EEFSEC: variants seen among roughly 807,000 people sequenced by gnomAD.
EEFSEC encodes the protein eukaryotic elongation factor, selenocysteine-tRNA specific, also known as selenocysteine-specific elongation factor.
EEFSEC carries 43 observed loss-of-function variants against 42.1 expected under a neutral mutation model. That is an observed-to-expected ratio of 1.02 (90% CI 0.80 to 1.32). The LOEUF (loss-of-function observed/expected upper bound fraction) is 1.32. EEFSEC is among the 40% of genes most tolerant of loss of function. The probability of loss-of-function intolerance (pLI) is 0.00; values close to 1 mark genes in which losing one functional copy is unlikely to be tolerated. For missense variants in EEFSEC, 745 were observed against 803.6 expected, an observed-to-expected ratio of 0.93 and a Z score of 0.88; for synonymous variants, 354 against 339.1, an observed-to-expected ratio of 1.04 and a Z score of -0.48.
chr3:128,365,937 G>A lies in EEFSEC; in HGVS notation c.1600+7564G>A, dbSNP rs182938454. Reference sequence around the variant, plus strand: ...CCGTTGGATGGCCAATGTCTCTCCCGGGACCAGTACAGGGCAGAGCAGCAA... The same window carrying A: ...CCGTTGGATGGCCAATGTCTCTCCCAGGACCAGTACAGGGCAGAGCAGCAA... On this transcript the variant is annotated intron_variant, in intron 6 of 6. Transcript: ENST00000254730. Among the ~76,000 whole-genome samples the A allele has an allele frequency of 1.8e-4, 28 of 152,288 alleles. No individual in the cohort carries two copies. In the East Asian group the frequency reaches 4.8e-3, roughly 26 times the overall value.
At chr3:128,402,745 G>T (rs1396342160) in intron 6 of EEFSEC, among the ~76,000 whole-genome samples, 1 of 152,182 alleles carries the variant, frequency 6.6e-6, no homozygotes, top group Admixed American at 6.5e-5. Context: ...TCCCTCCCAG[G>T]TTGTCACCAG....
At chr3:128,189,412 G>A (rs1193019567) in intron 1 of EEFSEC, among the ~76,000 whole-genome samples, 1 of 152,192 alleles carries the variant, frequency 6.6e-6, no homozygotes, top group Non-Finnish European at 1.5e-5. Flanking sequence ...TGTTTGTGGT[G>A]ATGCTGGTGT....
chr3:128,227,316 C>T (rs1475487347), intron 1 of EEFSEC, among the ~76,000 whole-genome samples: 1 of 152,156 alleles, frequency 6.6e-6, no homozygotes, highest in Non-Finnish European at 1.5e-5. Flanking sequence ...CCCCTACCCC[C>T]CCACTCCGTT....
chr3:128,284,007 T>C (rs6765233), intron 4 of EEFSEC, among the ~76,000 whole-genome samples: 130,794 of 152,220 alleles, frequency 0.86, 56,405 homozygotes, highest in East Asian at 0.99. Context: ...AGAGCACGGG[T>C]GCTGCCATGT....
At chr3:128,368,609 C>G (rs1157773890) in intron 6 of EEFSEC, among the ~76,000 whole-genome samples, 1 of 152,228 alleles carries the variant, frequency 6.6e-6, no homozygotes, top group African/African-American at 2.4e-5. Flanking sequence ...CCTTGCTGGT[C>G]AGGGCCACTT....
chr3:128,175,018 A>C (rs2065334146), intron 1 of EEFSEC, among the ~76,000 whole-genome samples: 1 of 152,312 alleles, frequency 6.6e-6, no homozygotes, highest in South Asian at 2.1e-4. Flanking sequence ...AATAGGATGC[A>C]GGATAAAGCT....
At chr3:128,397,781 C>T (rs2067999192) in intron 6 of EEFSEC, among the ~76,000 whole-genome samples, 1 of 152,280 alleles carries the variant, frequency 6.6e-6, no homozygotes, top group Non-Finnish European at 1.5e-5. Flanking sequence ...CGGGCATCCA[C>T]CCAGCTGCTC....
rs1576713150 is a variant in EEFSEC, at chr3:128,407,999, G to A, written c.1601-70G>A. On this transcript the variant is annotated intron_variant, in intron 6 of 6. Coordinates refer to ENST00000254730, the MANE Select transcript of EEFSEC (RefSeq NM_021937.5). The stretch of plus-strand genomic sequence containing the variant: ...GAAGAGGGGTGAGTCTAGGCAGCAG[G>A]TGCGCGGGCAGGGAGCCCACGGGTG... 2.8e-6 allele frequency: 4 copies of A among 1,415,210 alleles called. No homozygotes were observed. In the East Asian group the frequency reaches 9.8e-5, roughly 35 times the overall value. 87.7% of individuals were successfully genotyped at this position (1,415,210 alleles called of 1,614,324 possible).
At chr3:128,253,523 G>C (rs566000628) in intron 2 of EEFSEC, among the ~76,000 whole-genome samples, 1 of 152,262 alleles carries the variant, frequency 6.6e-6, no homozygotes, top group African/African-American at 2.4e-5. Flanking sequence ...TTGGTGCCTG[G>C]TACAGAGCAG....
intron 1 of EEFSEC, among the ~76,000 whole-genome samples, chr3:128,242,595 C>T (rs754739791): frequency 1.1e-4 from 16 of 151,904 alleles, no homozygotes; most frequent in Non-Finnish European, 1.9e-4. Flanking sequence ...ATATTTTATT[C>T]CTTCAGTCCC....
At chr3:128,172,836 G>A (rs766276787) in intron 1 of EEFSEC, among the ~76,000 whole-genome samples, 7 of 152,182 alleles carry the variant, frequency 4.6e-5, no homozygotes, top group South Asian at 2.1e-4. Context: ...CCATGCTGCC[G>A]CCTCGATCCT....
chr3:128,415,087 G>T, the EEFSEC span, among the ~76,000 whole-genome samples: 8 of 152,268 alleles, frequency 5.3e-5, no homozygotes, highest in East Asian at 1.2e-3. Flanking sequence ...CTGCAGAATT[G>T]CTGAGTCCAA....
chr3:128,235,260 G>A (rs1212305677), intron 1 of EEFSEC, among the ~76,000 whole-genome samples: 2 of 151,362 alleles, frequency 1.3e-5, no homozygotes, highest in Admixed American at 1.3e-4. Context: ...GTAGAGATGG[G>A]GTCTCTCCAT....
chr3:128,166,385 A>G (rs1317647717), intron 1 of EEFSEC, among the ~76,000 whole-genome samples: 1 of 152,256 alleles, frequency 6.6e-6, no homozygotes, highest in African/African-American at 2.4e-5. Context: ...CACGAGCCTC[A>G]TGGCTGTTGG....
At chr3:128,367,553 C>T in intron 6 of EEFSEC, 1 of 827,258 alleles carries the variant, frequency 1.2e-6, no homozygotes, top group African/African-American at 1.8e-5. Context: ...GACTCCTGTG[C>T]CTGTAAGCAA....
chr3:128,282,077 A>C (rs556070511), intron 4 of EEFSEC, among the ~76,000 whole-genome samples: 15 of 152,126 alleles, frequency 9.9e-5, no homozygotes, highest in Non-Finnish European at 1.9e-4. Context: ...ACGTGCCCTT[A>C]CAGTTACCTG....
chr3:128,180,248 A>G (rs904602034), intron 1 of EEFSEC, among the ~76,000 whole-genome samples: 5 of 152,212 alleles, frequency 3.3e-5, no homozygotes, highest in African/African-American at 1.2e-4. Context: ...AAGGACTTCA[A>G]TATATGGTTA....
chr3:128,203,361 C>G (rs1296397714), intron 1 of EEFSEC, among the ~76,000 whole-genome samples: 2 of 152,158 alleles, frequency 1.3e-5, no homozygotes, highest in African/African-American at 4.8e-5. Context: ...TAGGCTATTT[C>G]CTTAAAGTGA....
intron 4 of EEFSEC, among the ~76,000 whole-genome samples, chr3:128,321,270 G>A (rs1453053832): frequency 6.6e-6 from 1 of 152,136 alleles, no homozygotes; most frequent in Non-Finnish European, 1.5e-5. Flanking sequence ...CTTGGAACTG[G>A]CTTTCTGCTT....
Sources: gnomAD v4.1 joint callset for allele counts (sites outside exome capture counted in the v4.1 genomes callset) on GRCh38, gnomAD v4.1.1 for gene constraint, MANE v1.5 for transcripts, NCBI Gene and HGNC (gene_info 2026-07-23, HGNC 2026-07-21) for gene names.